PTPRR: variants seen among roughly 807,000 people sequenced by gnomAD.
PTPRR encodes protein tyrosine phosphatase receptor type R, also known as receptor-type tyrosine-protein phosphatase R.
PTPRR carries 38 observed loss-of-function variants against 77.2 expected under a neutral mutation model. That is an observed-to-expected ratio of 0.49 (90% CI 0.38 to 0.65). The LOEUF (loss-of-function observed/expected upper bound fraction) is 0.65. PTPRR is among the 30% of genes least tolerant of loss of function. The pLI is 0.00. For missense variants in PTPRR, 744 were observed against 799.2 expected, an observed-to-expected ratio of 0.93 and a Z score of 0.83; for synonymous variants, 299 against 283.1, an observed-to-expected ratio of 1.06 and a Z score of -0.57.
At position 70,638,392 on chromosome 12, in the gene PTPRR, C is replaced by G. The variant is rs1031283781; in HGVS notation, c.*792G>C. 24 of 152,522 alleles carry G rather than the reference C, an allele frequency of 1.6e-4. No individual in the cohort carries two copies. Among genetic ancestry groups the G allele is most frequent in the African/African-American group, 5.1e-4 (21 of 41,440 alleles). The allele number at this position is 152,522 out of a possible 1,614,324, so 9.4% of individuals were successfully genotyped here. On this transcript the variant is annotated 3_prime_UTR_variant, in exon 14 of 14. Transcript: ENST00000283228. ...CAAGTAGTTAAAACTCTTGATACTT[C>G]AGAGTTGCTACAAATTTGTTTTTCC...
At chr12:70,908,610 TG>T (rs1214436912) in intron 1 of PTPRR, among the ~76,000 whole-genome samples, 1 of 151,944 alleles carries the variant, frequency 6.6e-6, no homozygotes, top group African/African-American at 2.4e-5. Context: ...CCACAACAGG[TG>T]GGGATTATGA....
Position 70,850,868 on chromosome 12 carries a change from C to T in PTPRR, c.357+41811G>A, listed in dbSNP as rs570289624. ...TACATTGCTTTGCACACAATACAAC[C>T]TCAGTACATCTTTTGTTGAATACAT... On this transcript the variant is annotated intron_variant, in intron 2 of 13. Coordinates refer to ENST00000283228, the MANE Select transcript of PTPRR (RefSeq NM_002849.4). 2.0e-5 allele frequency among the ~76,000 whole-genome samples: 3 copies of T among 152,278 alleles called. No individual in the cohort carries two copies. In the South Asian group the frequency reaches 6.2e-4, roughly 32 times the overall value.
chr12:70,810,877 T>C (rs1038763746), intron 2 of PTPRR, among the ~76,000 whole-genome samples: 5 of 152,202 alleles, frequency 3.3e-5, no homozygotes, highest in African/African-American at 9.6e-5. Flanking sequence ...GCAAACCTAA[T>C]TGAAATGCGC....
rs779615642 is a variant in PTPRR, at chr12:70,684,657, T to A, written c.1359+47A>T. 2.3e-6 allele frequency: 3 copies of A among 1,292,274 alleles called. No homozygotes were observed. In the East Asian group the frequency reaches 7.0e-5, roughly 30 times the overall value. The allele number at this position is 1,292,274 out of a possible 1,614,324, so 80.1% of individuals were successfully genotyped here. ...AGGAAAAAGAAAATAAAACCAACAA[T>A]TCCAAATAGGAAGTCACCAGAAAGA... On this transcript the variant is annotated intron_variant, in intron 9 of 13. Coordinates refer to ENST00000283228, the MANE Select transcript of PTPRR (RefSeq NM_002849.4).
intron 1 of PTPRR, among the ~76,000 whole-genome samples, chr12:70,906,677 T>C (rs571590578): frequency 6.6e-4 from 100 of 152,286 alleles, no homozygotes; most frequent in African/African-American, 2.3e-3. Context: ...CTTAGTTATG[T>C]TCCAACAATA....
At chr12:70,779,300 C>T (rs7958456) in intron 2 of PTPRR, among the ~76,000 whole-genome samples, 51,196 of 151,612 alleles carry the variant, frequency 0.34, 9,938 homozygotes, top group African/African-American at 0.54. Flanking sequence ...CTCCTATTAA[C>T]TGTGAGCTTC....
In PTPRR at chr12:70,714,125, G is replaced by A. The variant is rs545777369; in HGVS notation, c.1008-12802C>T. Among the ~76,000 whole-genome samples the A allele has an allele frequency of 9.2e-5, 14 of 152,110 alleles. 1 individual carries two copies. The East Asian group carries it at 1.9e-3, about 21-fold the overall frequency. ...CTCTGTGGTCTTCATGACTGTGTCTGCCTACATTATTATTCAAATAATGTG... is the reference window on the plus strand; with the variant it reads ...CTCTGTGGTCTTCATGACTGTGTCTACCTACATTATTATTCAAATAATGTG... On this transcript the variant is annotated intron_variant, in intron 6 of 13. Coordinates refer to ENST00000283228, the MANE Select transcript of PTPRR (RefSeq NM_002849.4).
At chr12:70,845,734 C>T (rs759077572) in intron 2 of PTPRR, among the ~76,000 whole-genome samples, 1 of 152,146 alleles carries the variant, frequency 6.6e-6, no homozygotes, top group African/African-American at 2.4e-5. Flanking sequence ...TGCATGAATG[C>T]AACCTAGGAA....
At chr12:70,822,161 G>A (rs1892027446) in intron 2 of PTPRR, among the ~76,000 whole-genome samples, 1 of 152,132 alleles carries the variant, frequency 6.6e-6, no homozygotes, top group South Asian at 2.1e-4. Context: ...CAAAGGAAAG[G>A]CTGTATTGAA....
intron 2 of PTPRR, among the ~76,000 whole-genome samples, chr12:70,883,071 G>A (rs1466390364): frequency 6.6e-6 from 1 of 152,138 alleles, no homozygotes; most frequent in Non-Finnish European, 1.5e-5. Flanking sequence ...GACCAGCCTG[G>A]CCAACATAGT....
intron 13 of PTPRR, among the ~76,000 whole-genome samples, chr12:70,646,598 G>A (rs1157800019): frequency 6.6e-6 from 1 of 152,144 alleles, no homozygotes; most frequent in East Asian, 1.9e-4. Flanking sequence ...GTTTTACAAA[G>A]TAGACCTCTT....
intron 2 of PTPRR, among the ~76,000 whole-genome samples, chr12:70,830,336 C>T (rs1225310176): frequency 6.6e-6 from 1 of 152,172 alleles, no homozygotes; most frequent in Non-Finnish European, 1.5e-5. Context: ...GGGAGTTCTG[C>T]TCACTGCCCC....
At chr12:70,677,725 C>T (rs1051284877) in intron 10 of PTPRR, among the ~76,000 whole-genome samples, 8 of 152,166 alleles carry the variant, frequency 5.3e-5, no homozygotes, top group East Asian at 1.9e-4. Context: ...TTTGTGTAAA[C>T]TGAACCATTC....
intron 6 of PTPRR, among the ~76,000 whole-genome samples, chr12:70,710,522 A>G (rs928236902): frequency 3.9e-4 from 60 of 152,206 alleles, no homozygotes; most frequent in African/African-American, 1.4e-3. Context: ...GATGTCAAAA[A>G]TGATTTCAAC....
chr12:70,639,392 C>T (rs1007413562), intron 13 of PTPRR, 115 bp from the exon 14 acceptor site: 3 of 1,392,680 alleles, frequency 2.2e-6, no homozygotes, highest in Non-Finnish European at 2.9e-6. Context: ...AACAGTCGAC[C>T]TAGTGGTTCT....
rs185575227 is a variant in PTPRR, at chr12:70,844,714, G to A, written c.357+47965C>T. 6.2e-4 allele frequency among the ~76,000 whole-genome samples: 94 copies of A among 152,132 alleles called. 1 individual carries two copies. Among genetic ancestry groups the A allele is most frequent in the African/African-American group, 2.2e-3 (91 of 41,494 alleles). On this transcript the variant is annotated intron_variant, in intron 2 of 13. Transcript: ENST00000283228. ...ATGATAGTTTTAGTTTGAATTTAAG[G>A]TTCATCATTTACAAAATTCCAATAG...
intron 2 of PTPRR, among the ~76,000 whole-genome samples, chr12:70,766,852 C>T (rs1219467710): frequency 6.6e-6 from 1 of 151,970 alleles, no homozygotes; most frequent in African/African-American, 2.4e-5. Context: ...AGAGTGGGGG[C>T]CAATATTCAA....
intron 13 of PTPRR, among the ~76,000 whole-genome samples, chr12:70,640,131 A>T (rs759394328): frequency 6.6e-6 from 1 of 152,158 alleles, no homozygotes; most frequent in Non-Finnish European, 1.5e-5. Flanking sequence ...TTTTATATAC[A>T]TAATACCTAT....
intron 2 of PTPRR, among the ~76,000 whole-genome samples, chr12:70,783,127 G>A (rs1035394709): frequency 6.6e-6 from 1 of 152,166 alleles, no homozygotes; most frequent in African/African-American, 2.4e-5. Context: ...TTCTTGTCCT[G>A]CATTCAGGAA....
Sources: gnomAD v4.1 joint callset for allele counts (sites outside exome capture counted in the v4.1 genomes callset) on GRCh38, gnomAD v4.1.1 for gene constraint, MANE v1.5 for transcripts, NCBI Gene and HGNC (gene_info 2026-07-23, HGNC 2026-07-21) for gene names.